Variants in MEGF10 observed in about 807,000 individuals in gnomAD.
The protein encoded by MEGF10 is multiple epidermal growth factor-like domains protein 10.
A neutral mutation model predicts 147.5 loss-of-function variants in MEGF10; 86 were observed. The ratio of observed to expected loss-of-function variants is 0.58; its 90% confidence interval spans 0.49 to 0.70. MEGF10 has a LOEUF of 0.70. MEGF10 is among the 30% of genes least tolerant of loss of function. The pLI is 0.00. For synonymous variants in MEGF10, 478 were observed against 525.5 expected (o/e 0.91, Z 1.24); for missense variants, 1,329 against 1,487.3 (o/e 0.89, Z 1.75).
Position 127,433,363 on chromosome 5 carries a change from G to A in MEGF10, c.1694G>A (p.Gly565Asp). ...CCTTGCCCCATGTGCATTATTTCAGGTGTCCACTGTGACAGCGTGTGTGCT... is the reference window on the plus strand; with the variant it reads ...CCTTGCCCCATGTGCATTATTTCAGATGTCCACTGTGACAGCGTGTGTGCT... ...GHCRCLPGWS[G>D]VHCDSVCAEG... is the part of the protein sequence containing the mutation. The change falls in exon 14 of 25, where the codon GGT becomes GAT. Residue 565 changes from glycine (G) to aspartate (D), a missense_variant and splice_region_variant. Gly to Asp is a moderately conservative substitution (Grantham distance 94). Around this residue, in one of 3 missense-constraint regions of MEGF10, gnomAD observed 980 missense variants for 1,085.9 expected, o/e 0.90. Transcript: ENST00000503335. The A allele has an allele frequency of 6.2e-7, 1 of 1,614,142 alleles. No homozygotes were observed. Among genetic ancestry groups the A allele is most frequent in the Non-Finnish European group, 8.5e-7 (1 of 1,180,016 alleles).
At chr5:127,407,780 A>T (rs889073254) in intron 8 of MEGF10, among the ~76,000 whole-genome samples, 1 of 152,184 alleles carries the variant, frequency 6.6e-6, no homozygotes, top group Non-Finnish European at 1.5e-5. Context: ...CTTGATAAAG[A>T]CTTTTAATGC....
chr5:127,443,329 G>A (rs1765826906), intron 19 of MEGF10, among the ~76,000 whole-genome samples: 1 of 152,178 alleles, frequency 6.6e-6, no homozygotes, highest in Admixed American at 6.5e-5. Context: ...TAGAGAGGCT[G>A]AGTAATTTTC....
At chr5:127,446,783 G>A (rs1318187163) in intron 20 of MEGF10, among the ~76,000 whole-genome samples, 1 of 152,194 alleles carries the variant, frequency 6.6e-6, no homozygotes, top group African/African-American at 2.4e-5. Flanking sequence ...GTTCTGGTTG[G>A]TTGACACAGC....
chr5:127,423,190 T>A lies in MEGF10; in HGVS notation c.1693+418T>A, dbSNP rs185134646. On this transcript the variant is annotated intron_variant, in intron 13 of 24. Transcript: ENST00000503335. ...ATGCATATGCATATTATTGTATGGTTAATATGCAAATATTAAAATGTTCAT... is the reference window on the plus strand; with the variant it reads ...ATGCATATGCATATTATTGTATGGTAAATATGCAAATATTAAAATGTTCAT... Among the ~76,000 whole-genome samples the A allele has an allele frequency of 5.3e-5, 8 of 152,374 alleles. No homozygotes were observed. The East Asian group carries it at 1.5e-3, about 29-fold the overall frequency.
intron 2 of MEGF10, among the ~76,000 whole-genome samples, chr5:127,333,710 C>T (rs1166447436): frequency 6.6e-6 from 1 of 152,056 alleles, no homozygotes; most frequent in Non-Finnish European, 1.5e-5. Flanking sequence ...TTGCATGTGG[C>T]ATGTGTTTAA....
intron 8 of MEGF10, 69 bp from the exon 9 acceptor site, chr5:127,410,320 C>T (rs561839752): frequency 6.8e-7 from 1 of 1,466,904 alleles, no homozygotes; most frequent in South Asian, 1.2e-5. Flanking sequence ...AAAGCCATTC[C>T]AAATTAACTG....
At chr5:127,406,163 AG>A (rs1764312621) in intron 8 of MEGF10, among the ~76,000 whole-genome samples, 2 of 152,314 alleles carry the variant, frequency 1.3e-5, no homozygotes, top group South Asian at 4.2e-4. Context: ...TTCAAATTAG[AG>A]GTAGCACAAG....
chr5:127,440,943 T>C, intron 18 of MEGF10, 76 bp downstream of exon 18: 1 of 1,562,930 alleles, frequency 6.4e-7, no homozygotes, highest in Non-Finnish European at 8.7e-7. Flanking sequence ...CCAGGAAATA[T>C]TAAGGCAGAA....
intron 4 of MEGF10, among the ~76,000 whole-genome samples, chr5:127,362,585 C>G (rs1002502787): frequency 7.2e-5 from 11 of 151,926 alleles, no homozygotes; most frequent in Non-Finnish European, 2.9e-5. Flanking sequence ...AGGATGGTCT[C>G]CATCTCCTGA....
At chr5:127,412,772 A>G (rs895083862) in intron 9 of MEGF10, among the ~76,000 whole-genome samples, 5 of 152,206 alleles carry the variant, frequency 3.3e-5, no homozygotes, top group African/African-American at 1.2e-4. Context: ...TTGCTTGACT[A>G]TGTGGGCTAG....
chr5:127,274,296 AT>A, the MEGF10 span, among the ~76,000 whole-genome samples: 175 of 152,288 alleles, frequency 1.1e-3, no homozygotes, highest in African/African-American at 4.0e-3. Context: ...AACGGAAATA[AT>A]TTTGTGAAAA....
chr5:127,337,606 A>T (rs1339601071), intron 2 of MEGF10, among the ~76,000 whole-genome samples: 1 of 152,116 alleles, frequency 6.6e-6, no homozygotes, highest in Non-Finnish European at 1.5e-5. Flanking sequence ...ATATCATAGC[A>T]TGCAGGCATT....
intron 12 of MEGF10, 139 bp downstream of exon 12, chr5:127,420,346 T>C: frequency 1.1e-6 from 1 of 916,082 alleles, no homozygotes; most frequent in Non-Finnish European, 1.6e-6. Context: ...AATCCAGGTA[T>C]TTGGATTCAA....
chr5:127,304,829 T>C (rs557675892), intron 1 of MEGF10, among the ~76,000 whole-genome samples: 1 of 152,182 alleles, frequency 6.6e-6, no homozygotes, highest in East Asian at 1.9e-4. Flanking sequence ...TTCAGAAGGA[T>C]GCCTCGAAGC....
At chr5:127,380,067 G>GTTTTTTTTTTTT (rs5871252) in intron 5 of MEGF10, among the ~76,000 whole-genome samples, 1 of 147,496 alleles carries the variant, frequency 6.8e-6, no homozygotes, top group Non-Finnish European at 1.5e-5. Context: ...TTGTTAACTT[G>GTTTTTTTTTTTT]TTTTTTTTTT....
At chr5:127,327,033 T>A (rs1470787610) in intron 1 of MEGF10, among the ~76,000 whole-genome samples, 1 of 152,214 alleles carries the variant, frequency 6.6e-6, no homozygotes, top group Non-Finnish European at 1.5e-5. Flanking sequence ...CTAAGACTCA[T>A]CCATTGTAAG....
chr5:127,390,480 A>G (rs967591214), intron 5 of MEGF10, among the ~76,000 whole-genome samples: 3 of 152,068 alleles, frequency 2.0e-5, no homozygotes, highest in Non-Finnish European at 4.4e-5. Context: ...TTGTAGAGAT[A>G]GGGGCTTGCT....
At chr5:127,257,113 G>A in the MEGF10 span, among the ~76,000 whole-genome samples, 2 of 152,054 alleles carry the variant, frequency 1.3e-5, no homozygotes, top group African/African-American at 2.4e-5. Flanking sequence ...GTGAGCAAAG[G>A]TTGTCTTATG....
At chr5:127,372,522 G>A (rs774403463) in intron 5 of MEGF10, among the ~76,000 whole-genome samples, 5 of 152,002 alleles carry the variant, frequency 3.3e-5, no homozygotes, top group Non-Finnish European at 7.4e-5. Context: ...TTTCTCTTCC[G>A]GATTCCAGCT....
Sources: gnomAD v4.1 joint callset for allele counts (sites outside exome capture counted in the v4.1 genomes callset) on GRCh38, gnomAD v4.1.1 for gene constraint, gnomAD v4.1.1 regional missense constraint, MANE v1.5 for transcripts, NCBI Gene and HGNC (gene_info 2026-07-23, HGNC 2026-07-21) for gene names.